The following LIN9 variants were observed in gnomAD, a reference collection of about 807,000 sequenced individuals.
LIN9 encodes the protein protein lin-9 homolog.
A neutral mutation model predicts 78.0 loss-of-function variants in LIN9; 18 were observed. The ratio of observed to expected loss-of-function variants is 0.23; its 90% CI spans 0.16 to 0.34. The LOEUF (loss-of-function observed/expected upper bound fraction) is 0.34, where lower values mean the gene tolerates loss of function less well. Among genes scored for constraint, LIN9 ranks in the 10% least tolerant of loss-of-function variants. The probability of loss-of-function intolerance (pLI) is 1.00; values close to 1 mark genes in which losing one functional copy is unlikely to be tolerated. For synonymous variants in LIN9, 192 were observed against 215.2 expected, an observed-to-expected ratio of 0.89 and a Z score of 0.94; for missense variants, 451 against 644.1, an observed-to-expected ratio of 0.70 and a Z score of 3.25.
At chr1:226,271,826 G>A (rs910952178) in intron 7 of LIN9, among the ~76,000 whole-genome samples, 5 of 151,896 alleles carry the variant, frequency 3.3e-5, no homozygotes, top group African/African-American at 7.3e-5. Flanking sequence ...TTTCTGAACT[G>A]GCCATTTTTA....
At chr1:226,290,741 T>A (rs1306205107) in intron 4 of LIN9, among the ~76,000 whole-genome samples, 1 of 152,132 alleles carries the variant, frequency 6.6e-6, no homozygotes, top group East Asian at 1.9e-4. Flanking sequence ...TATAAACCAG[T>A]ACAATTTCTT....
At chr1:226,258,468 CAAA>C (rs200742420) in intron 10 of LIN9, among the ~76,000 whole-genome samples, 4 of 73,768 alleles carry the variant, frequency 5.4e-5, no homozygotes, top group Non-Finnish European at 5.8e-5. Flanking sequence ...GACTTTGTCT[CAAA>C]AAAAAAAAAA....
chr1:226,290,702 G>C (rs2102640508), intron 4 of LIN9, among the ~76,000 whole-genome samples: 1 of 152,176 alleles, frequency 6.6e-6, no homozygotes, highest in African/African-American at 2.4e-5. Flanking sequence ...CTGAGTTGGA[G>C]GCATTTGGAA....
intron 5 of LIN9, among the ~76,000 whole-genome samples, chr1:226,286,739 C>T (rs760552087): frequency 1.8e-4 from 28 of 152,166 alleles, no homozygotes; most frequent in Non-Finnish European, 3.7e-4. Flanking sequence ...TGGCCCTGGC[C>T]TTGTATCAGG....
intron 6 of LIN9, among the ~76,000 whole-genome samples, chr1:226,279,286 G>C (rs2102949100): frequency 6.6e-6 from 1 of 152,158 alleles, no homozygotes; most frequent in South Asian, 2.1e-4. Context: ...GGGCAACATA[G>C]TGAGACTTTG....
intron 10 of LIN9, among the ~76,000 whole-genome samples, chr1:226,259,152 G>A (rs1659405531): frequency 1.3e-5 from 2 of 151,702 alleles, no homozygotes; most frequent in African/African-American, 4.8e-5. Context: ...TAGAGACGGG[G>A]TTTCACCACA....
At chr1:226,306,760 A>G (rs1185884546) in intron 1 of LIN9, among the ~76,000 whole-genome samples, 1 of 152,206 alleles carries the variant, frequency 6.6e-6, no homozygotes, top group East Asian at 1.9e-4. Flanking sequence ...AATGTGGCCA[A>G]AAAACATACT....
chr1:226,264,248 C>T (rs1053843953), intron 10 of LIN9, among the ~76,000 whole-genome samples: 2 of 151,122 alleles, frequency 1.3e-5, no homozygotes, highest in African/African-American at 4.9e-5. Flanking sequence ...GGTGTGGTGG[C>T]GTGCGCCTGT....
chr1:226,253,265 CAAAA>C (rs60102894), intron 10 of LIN9, among the ~76,000 whole-genome samples: 2 of 118,474 alleles, frequency 1.7e-5, no homozygotes, highest in Non-Finnish European at 1.7e-5. Flanking sequence ...AACCCTGTCT[CAAAA>C]AAAAAAAAAA....
rs1174512135 is a variant in LIN9, at chr1:226,286,428, A to G, written c.429T>C (p.Cys143=). The change falls in exon 6 of 15, where the codon TGT becomes TGC. Residue 143 remains cysteine, a synonymous_variant. Transcript: ENST00000681046. The part of the protein sequence containing the change: ...KPLFEGDNDF[C]VCLKESFPNL... Reference sequence around the variant, plus strand: ...TAGGAAAAGATTCCTTTAGACATACACAGAAGTCATTATCACCTTCAAAAA... The same window carrying G: ...TAGGAAAAGATTCCTTTAGACATACGCAGAAGTCATTATCACCTTCAAAAA... 2 of 1,603,178 alleles carry G rather than the reference A, an allele frequency of 1.2e-6. No homozygotes were observed. The highest frequency in any genetic ancestry group is 1.3e-5 in the African/African-American group (1 of 74,600).
chr1:226,279,180 T>C (rs1660879109), intron 6 of LIN9, among the ~76,000 whole-genome samples: 2 of 151,370 alleles, frequency 1.3e-5, no homozygotes, highest in African/African-American at 4.9e-5. Context: ...AAAAATTGTT[T>C]CTTTTTGGCC....
chr1:226,294,297 CT>C (rs1661986090), intron 4 of LIN9, among the ~76,000 whole-genome samples: 1 of 143,200 alleles, frequency 7.0e-6, no homozygotes, highest in Non-Finnish European at 1.5e-5. Flanking sequence ...AAAAAAAAAC[CT>C]GGCTGGGCGC....
At chr1:226,309,076 G>A in intron 1 of LIN9, 33 bp downstream of exon 1, 1 of 1,308,994 alleles carries the variant, frequency 7.6e-7, no homozygotes, top group Non-Finnish European at 9.8e-7. Flanking sequence ...CAGCAGGCGG[G>A]AAAAGGGGGG....
At chr1:226,236,860 G>T in intron 12 of LIN9, among the ~76,000 whole-genome samples, 1 of 152,170 alleles carries the variant, frequency 6.6e-6, no homozygotes, top group East Asian at 1.9e-4. Context: ...TTTCCATTGT[G>T]TAATTATACC....
intron 4 of LIN9, among the ~76,000 whole-genome samples, chr1:226,289,334 TTGTGTG>T (rs549091384): frequency 4.0e-5 from 6 of 150,100 alleles, no homozygotes; most frequent in Non-Finnish European, 5.9e-5. Flanking sequence ...TAAACCAATT[TTGTGTG>T]TGTGTGTGTG....
At chr1:226,279,127 C>T (rs1459724224) in intron 6 of LIN9, among the ~76,000 whole-genome samples, 1 of 151,878 alleles carries the variant, frequency 6.6e-6, no homozygotes, top group Non-Finnish European at 1.5e-5. Flanking sequence ...TGCCACTGCG[C>T]TCCAGCCTGG....
chr1:226,245,431 C>G (rs116056743), intron 11 of LIN9, among the ~76,000 whole-genome samples: 3 of 150,718 alleles, frequency 2.0e-5, no homozygotes, highest in Middle Eastern at 3.4e-3. Context: ...TCTTTTTTCC[C>G]CCCCCCCAAG....
At chr1:226,275,034 G>A (rs531062845) in intron 7 of LIN9, among the ~76,000 whole-genome samples, 1 of 152,060 alleles carries the variant, frequency 6.6e-6, no homozygotes, top group Admixed American at 6.5e-5. Flanking sequence ...CACAAGTACA[G>A]CAATTTTTTT....
rs532777490 is a variant in LIN9 at position 226,271,697 on chromosome 1, A to G, written c.683-3607T>C. Among the ~76,000 whole-genome samples, 74 of 152,298 alleles carry G rather than the reference A, an allele frequency of 4.9e-4. 1 individual carries two copies. The highest frequency in any genetic ancestry group is 1.6e-3 in the African/African-American group (68 of 41,578). On this transcript the variant is annotated intron_variant, in intron 7 of 14. Coordinates refer to ENST00000681046, the MANE Select transcript of LIN9 (RefSeq NM_001366245.2). ...AAGTGAGGTGTTAAAATCTACAACT[A>G]TGATTGTGGATTTGTCTATTTCTTT...
Sources: gnomAD v4.1 joint callset for allele counts (sites outside exome capture counted in the v4.1 genomes callset) on GRCh38, gnomAD v4.1.1 for gene constraint, MANE v1.5 for transcripts, NCBI Gene and HGNC (gene_info 2026-07-23, HGNC 2026-07-21) for gene names.